The following DLC1 variants were observed in gnomAD, a reference collection of about 807,000 sequenced individuals.
DLC1 encodes rho GTPase-activating protein 7.
In DLC1, 54 loss-of-function variants were observed where a neutral mutation model predicts 140.3. That is an observed-to-expected ratio of 0.38 (90% CI 0.31 to 0.48). The LOEUF is 0.48. DLC1 is among the 20% of genes least tolerant of loss of function. The pLI, the probability that DLC1 is intolerant of heterozygous loss-of-function variation, is 0.96. For synonymous variants in DLC1, 986 were observed against 728.1 expected (o/e 1.35, Z -5.70); for missense variants, 2,536 against 1,907.0 (o/e 1.33, Z -6.14).
At chr8:13,473,127 C>A in intron 2 of DLC1, among the ~76,000 whole-genome samples, 1 of 152,112 alleles carries the variant, frequency 6.6e-6, no homozygotes, top group Non-Finnish European at 1.5e-5. Context: ...GGAAGAGACA[C>A]CCAGTGTTCA....
chr8:13,452,331 A>G (rs984031531), intron 2 of DLC1, among the ~76,000 whole-genome samples: 4 of 152,098 alleles, frequency 2.6e-5, no homozygotes, highest in African/African-American at 7.2e-5. Context: ...AGTTACATCT[A>G]TTGTATAAAT....
intron 1 of DLC1, among the ~76,000 whole-genome samples, chr8:13,544,291 C>A (rs969395774): frequency 6.6e-6 from 1 of 151,924 alleles, no homozygotes; most frequent in Non-Finnish European, 1.5e-5. Flanking sequence ...AACCCAGAGA[C>A]CAGAAGGTCT....
chr8:13,515,425 A>G (rs1444985446), upstream of DLC1: 1 of 152,214 alleles, frequency 6.6e-6, no homozygotes, highest in Non-Finnish European at 1.5e-5. Context: ...GAATTAAAAT[A>G]GTTCGTGTTA....
chr8:13,263,070 C>T (rs1440815007), intron 5 of DLC1, among the ~76,000 whole-genome samples: 1 of 152,096 alleles, frequency 6.6e-6, no homozygotes, highest in Non-Finnish European at 1.5e-5. Flanking sequence ...ATTAATGCTT[C>T]CTCCACTTGA....
intron 1 of DLC1, among the ~76,000 whole-genome samples, chr8:13,596,593 A>T (rs1300858041): frequency 2.0e-5 from 3 of 152,044 alleles, no homozygotes; most frequent in Non-Finnish European, 4.4e-5. Flanking sequence ...GCTTTGAATG[A>T]GAGCATGTGA....
At chr8:13,122,551 T>C (rs1479953454) in intron 5 of DLC1, among the ~76,000 whole-genome samples, 6 of 152,200 alleles carry the variant, frequency 3.9e-5, no homozygotes, top group Admixed American at 6.5e-5. Flanking sequence ...AAACGATGAC[T>C]TGAATCTCTT....
chr8:13,530,564 G>A (rs2117305357), intron 1 of DLC1, among the ~76,000 whole-genome samples: 1 of 152,210 alleles, frequency 6.6e-6, no homozygotes, highest in Non-Finnish European at 1.5e-5. Flanking sequence ...CAGACCACAT[G>A]CCTGCGAGTC....
chr8:13,311,145 A>G (rs1440960832), intron 4 of DLC1, among the ~76,000 whole-genome samples: 1 of 152,140 alleles, frequency 6.6e-6, no homozygotes, highest in Non-Finnish European at 1.5e-5. Flanking sequence ...TATGTAGTAT[A>G]TTTTGCAAAA....
chr8:13,497,880 G>A (rs747108177), intron 2 of DLC1, among the ~76,000 whole-genome samples: 3 of 152,186 alleles, frequency 2.0e-5, no homozygotes, highest in Non-Finnish European at 4.4e-5. Context: ...ATAGCTTGTG[G>A]ACACTGATTT....
At chr8:13,448,137 G>A (rs1798870546) in intron 2 of DLC1, among the ~76,000 whole-genome samples, 2 of 152,202 alleles carry the variant, frequency 1.3e-5, no homozygotes, top group South Asian at 4.2e-4. Context: ...GGGCAACATC[G>A]GTGATTATGG....
At chr8:13,483,038 G>C (rs1330747072) in intron 2 of DLC1, among the ~76,000 whole-genome samples, 1 of 152,134 alleles carries the variant, frequency 6.6e-6, no homozygotes, top group Non-Finnish European at 1.5e-5. Context: ...AGGTTGGCAG[G>C]GCTGTGCTTT....
chr8:13,385,548 G>A (rs146058798), intron 4 of DLC1, among the ~76,000 whole-genome samples: 1 of 152,302 alleles, frequency 6.6e-6, no homozygotes, highest in East Asian at 1.9e-4. Context: ...AGGTTTTCAA[G>A]TGGTGGCATC....
At chr8:13,134,454 A>C (rs1285355474) in intron 5 of DLC1, among the ~76,000 whole-genome samples, 1 of 152,198 alleles carries the variant, frequency 6.6e-6, no homozygotes, top group African/African-American at 2.4e-5. Context: ...AAACAAAATA[A>C]ATGAGATATA....
intron 5 of DLC1, among the ~76,000 whole-genome samples, chr8:13,203,120 C>T (rs188141635): frequency 1.1e-4 from 16 of 152,316 alleles, no homozygotes; most frequent in Admixed American, 3.3e-4. Context: ...CTTTACCTAT[C>T]TTTGTCTTGC....
upstream of DLC1, among the ~76,000 whole-genome samples, chr8:13,516,496 G>A (rs1199219918): frequency 1.3e-5 from 2 of 152,098 alleles, no homozygotes; most frequent in Admixed American, 6.6e-5. Flanking sequence ...TTATTAGGTA[G>A]CTAAAATCTC....
At chr8:13,185,037 C>G (rs960194299) in intron 5 of DLC1, among the ~76,000 whole-genome samples, 1 of 150,982 alleles carries the variant, frequency 6.6e-6, no homozygotes, top group African/African-American at 2.4e-5. Context: ...GAATTGATCC[C>G]TTTACCATTG....
chr8:13,557,796 A>T (rs1804100510), intron 1 of DLC1: 1 of 152,162 alleles, frequency 6.6e-6, no homozygotes, highest in South Asian at 2.1e-4. Flanking sequence ...CAGTCTGAAA[A>T]CAAGCTAAAA....
chr8:13,539,181 A>T (rs56178803), intron 1 of DLC1, among the ~76,000 whole-genome samples: 9 of 125,152 alleles, frequency 7.2e-5, no homozygotes, highest in Non-Finnish European at 1.9e-5. Flanking sequence ...AATTGTATGT[A>T]TGTGTGTATG....
chr8:13,318,368 G>A (rs912132496), intron 4 of DLC1, among the ~76,000 whole-genome samples: 2 of 152,092 alleles, frequency 1.3e-5, no homozygotes, highest in African/African-American at 4.8e-5. Flanking sequence ...CAAAGGGATA[G>A]TGTTACTATA....
Sources: gnomAD v4.1 joint callset for allele counts (sites outside exome capture counted in the v4.1 genomes callset) on GRCh38, gnomAD v4.1.1 for gene constraint, MANE v1.5 for transcripts, NCBI Gene and HGNC (gene_info 2026-07-23, HGNC 2026-07-21) for gene names.